Variants in IMMP2L observed in about 807,000 individuals in gnomAD.
IMMP2L encodes the protein mitochondrial inner membrane protease subunit 2.
A neutral mutation model predicts 19.3 loss-of-function variants in IMMP2L; 18 were observed. The observed-to-expected ratio is 0.93, with a 90% CI of 0.64 to 1.38. IMMP2L has a LOEUF of 1.38. IMMP2L is among the 40% of genes most tolerant of loss of function. The pLI, the probability that IMMP2L is intolerant of heterozygous loss-of-function variation, is 0.00. For synonymous variants in IMMP2L, 76 were observed against 73.0 expected (o/e 1.04, Z -0.21); for missense variants, 233 against 218.2 (o/e 1.07, Z -0.43).
rs185337082 is a variant in IMMP2L, at chr7:111,351,838, T to C, written c.239+135400A>G. ...ATCATATATCCAATGCATATCACTT[T>C]AAATTTTTTCAACCTGCATATTTCA... On this transcript the variant is annotated intron_variant, in intron 3 of 5. Coordinates refer to ENST00000405709, the MANE Select transcript of IMMP2L (RefSeq NM_032549.4). Among the ~76,000 whole-genome samples the C allele has an allele frequency of 2.3e-3, 355 of 152,298 alleles. 2 individuals are homozygous for C. The highest frequency in any genetic ancestry group is 0.022 in the South Asian group (108 of 4,824).
chr7:110,704,629 C>T lies in IMMP2L; in HGVS notation c.409-40908G>A, dbSNP rs556054600. 5.3e-5 allele frequency among the ~76,000 whole-genome samples: 8 copies of T among 152,282 alleles called. No homozygotes were observed. The South Asian group carries it at 1.7e-3, about 32-fold the overall frequency. On this transcript the variant is annotated intron_variant, in intron 5 of 5. Transcript: ENST00000405709. ...TCATTAGACTGTTAACTTTGTCTGA[C>T]CCAGTTTGTCAAGTGTTTGTGTTCT...
chr7:111,153,581 G>A (rs886389180), intron 3 of IMMP2L, among the ~76,000 whole-genome samples: 2 of 151,964 alleles, frequency 1.3e-5, no homozygotes, highest in African/African-American at 4.8e-5. Context: ...AAACTATGAG[G>A]CCATGCTATT....
chr7:111,382,014 G>C (rs1012725627), intron 3 of IMMP2L, among the ~76,000 whole-genome samples: 3 of 151,892 alleles, frequency 2.0e-5, no homozygotes, highest in Non-Finnish European at 4.4e-5. Context: ...GGAAGCAATT[G>C]GATGTCATGA....
At chr7:111,101,125 T>A (rs902197265) in intron 3 of IMMP2L, among the ~76,000 whole-genome samples, 3 of 151,526 alleles carry the variant, frequency 2.0e-5, no homozygotes, top group Non-Finnish European at 3.0e-5. Context: ...TCTTTTCACA[T>A]CATCATATTT....
At chr7:111,265,548 G>T (rs1024075620) in intron 3 of IMMP2L, among the ~76,000 whole-genome samples, 1 of 152,130 alleles carries the variant, frequency 6.6e-6, no homozygotes, top group African/African-American at 2.4e-5. Flanking sequence ...AAAATTTCAT[G>T]GAAGGGACAT....
rs111245318 is a variant in IMMP2L, at chr7:111,367,479, C to CTT, written c.239+119757_239+119758dup. Among the ~76,000 whole-genome samples, 391 of 145,436 alleles carry CTT rather than the reference C, an allele frequency of 2.7e-3. 3 individuals are homozygous for CTT. The highest frequency in any genetic ancestry group is 8.9e-3 in the African/African-American group (358 of 40,228). On this transcript the variant is annotated intron_variant, in intron 3 of 5. Coordinates refer to ENST00000405709, the MANE Select transcript of IMMP2L (RefSeq NM_032549.4). Reference sequence around the variant, plus strand: ...GTACTTGTTTCTCTCAGCAAAAAGGCTTTTTTTTTTTAACACAACATGTAG... The same window carrying CTT: ...GTACTTGTTTCTCTCAGCAAAAAGGCTTTTTTTTTTTTTAACACAACATGTAG...
chr7:111,441,885 T>C (rs963498816), intron 3 of IMMP2L, among the ~76,000 whole-genome samples: 6 of 151,738 alleles, frequency 4.0e-5, no homozygotes, highest in African/African-American at 1.2e-4. Flanking sequence ...ACACCTGTAA[T>C]CCCAGCACTT....
At chr7:110,773,423 C>T (rs1454555551) in intron 5 of IMMP2L, among the ~76,000 whole-genome samples, 9 of 152,082 alleles carry the variant, frequency 5.9e-5, no homozygotes. Context: ...CAGCCTGAAA[C>T]AGCATCTCAA....
rs541375499 is a variant in IMMP2L at position 111,290,827 on chromosome 7, A to AACAC, written c.239+196407_239+196410dup. Among the ~76,000 whole-genome samples, 701 of 135,062 alleles carry AACAC rather than the reference A, an allele frequency of 5.2e-3. 2 individuals carry two copies. The highest frequency in any genetic ancestry group is 0.011 in the African/African-American group (401 of 37,570). 88.6% of individuals were successfully genotyped at this position (135,062 alleles called of 152,430 possible). ...CTCTCTCACTATATATATATATACAAACACACACACACACACACACACACA... is the reference window on the plus strand; with the variant it reads ...CTCTCTCACTATATATATATATACAAACACACACACACACACACACACACACACA... On this transcript the variant is annotated intron_variant, in intron 3 of 5. Coordinates refer to ENST00000405709, the MANE Select transcript of IMMP2L (RefSeq NM_032549.4).
intron 3 of IMMP2L, among the ~76,000 whole-genome samples, chr7:111,161,029 T>C (rs958635083): frequency 2.0e-5 from 3 of 151,646 alleles, no homozygotes; most frequent in African/African-American, 7.2e-5. Context: ...ATATAGTCGA[T>C]CTCAACAAAG....
rs185892258 is a variant in IMMP2L at position 111,502,496 on chromosome 7, C to A, written c.136-15155G>T. On this transcript the variant is annotated intron_variant, in intron 2 of 5. Transcript: ENST00000405709. The stretch of plus-strand genomic sequence containing the variant: ...TAATAGACATCTACAGAACTCTCCA[C>A]CCCAAATCAACAGAATATACATTTT... Among the ~76,000 whole-genome samples the A allele has an allele frequency of 4.5e-3, 679 of 152,224 alleles. 22 individuals are homozygous for A. The highest frequency in any genetic ancestry group is 0.039 in the Admixed American group (593 of 15,286).
chr7:111,539,873 T>G (rs2132945713), intron 1 of IMMP2L, among the ~76,000 whole-genome samples: 1 of 152,294 alleles, frequency 6.6e-6, no homozygotes, highest in South Asian at 2.1e-4. Context: ...GAAATACCAT[T>G]TGAATACAAA....
chr7:111,259,496 G>A (rs901397474), intron 3 of IMMP2L, among the ~76,000 whole-genome samples: 12 of 151,992 alleles, frequency 7.9e-5, no homozygotes, highest in African/African-American at 1.5e-4. Flanking sequence ...AAAATTAGCC[G>A]AGAGTGGTGG....
rs78597602 is a variant in IMMP2L, at chr7:111,214,796, A to G, written c.240-251231T>C. ...GCTCCATAACCATGTAAAAAAAAAA[A>G]AGAGAGAGAGATAGAGATTAAAGTA... is the stretch of plus-strand genomic sequence containing the variant. On this transcript the variant is annotated intron_variant, in intron 3 of 5. Coordinates refer to ENST00000405709, the MANE Select transcript of IMMP2L (RefSeq NM_032549.4). Among the ~76,000 whole-genome samples the G allele has an allele frequency of 2.6e-3, 398 of 151,840 alleles. 2 individuals are homozygous for G. The highest frequency in any genetic ancestry group is 0.014 in the Middle Eastern group (4 of 292).
intron 4 of IMMP2L, among the ~76,000 whole-genome samples, chr7:110,899,557 C>G (rs1262102884): frequency 2.0e-5 from 3 of 152,104 alleles, no homozygotes; most frequent in Non-Finnish European, 2.9e-5. Flanking sequence ...CTTGCTAATT[C>G]AAGCCCAAAT....
intron 3 of IMMP2L, among the ~76,000 whole-genome samples, chr7:111,054,965 G>A (rs1280373550): frequency 1.3e-5 from 2 of 151,846 alleles, no homozygotes; most frequent in Non-Finnish European, 2.9e-5. Context: ...AAATAGTTGG[G>A]CTGGCTCAAA....
intron 3 of IMMP2L, among the ~76,000 whole-genome samples, chr7:111,055,353 G>A (rs1191577883): frequency 6.6e-6 from 1 of 152,160 alleles, no homozygotes; most frequent in African/African-American, 2.4e-5. Flanking sequence ...GAGTTGGCAA[G>A]TTTCTGAACG....
chr7:111,142,683 CA>C (rs1440853827), intron 3 of IMMP2L, among the ~76,000 whole-genome samples: 4 of 152,086 alleles, frequency 2.6e-5, no homozygotes, highest in African/African-American at 7.2e-5. Flanking sequence ...CATGAGAGCA[CA>C]TATCATAAAG....
intron 3 of IMMP2L, among the ~76,000 whole-genome samples, chr7:111,294,600 C>T (rs1269103391): frequency 6.6e-6 from 1 of 151,752 alleles, no homozygotes; most frequent in African/African-American, 2.4e-5. Flanking sequence ...ACCGTGGCAA[C>T]AAAACCATCA....
Sources: gnomAD v4.1 joint callset for allele counts (sites outside exome capture counted in the v4.1 genomes callset) on GRCh38, gnomAD v4.1.1 for gene constraint, MANE v1.5 for transcripts, NCBI Gene and HGNC (gene_info 2026-07-23, HGNC 2026-07-21) for gene names.